The following ZC3H7A variants were observed in gnomAD, a reference collection of about 807,000 sequenced individuals.
ZC3H7A encodes the protein zinc finger CCCH domain-containing protein 7A.
In ZC3H7A, 44 loss-of-function variants were observed where a neutral mutation model predicts 125.5. That is an observed-to-expected ratio of 0.35 (90% CI 0.28 to 0.45). The LOEUF is 0.45. Among genes scored for constraint, ZC3H7A ranks in the 20% least tolerant of loss-of-function variants. The pLI, the probability that ZC3H7A is intolerant of heterozygous loss-of-function variation, is 1.00. For synonymous variants in ZC3H7A, 399 were observed against 391.2 expected (o/e 1.02, Z -0.23); for missense variants, 977 against 1,170.7 (o/e 0.83, Z 2.41).
Position 11,794,558 on chromosome 16 carries a change from A to G in ZC3H7A, c.-35+2566T>C, listed in dbSNP as rs552686708. 1.2e-3 allele frequency among the ~76,000 whole-genome samples: 177 copies of G among 152,302 alleles called. 1 individual carries two copies. Among genetic ancestry groups the G allele is most frequent in the African/African-American group, 3.8e-3 (156 of 41,566 alleles). ...TTTTCACTAGAAAAAAAACAAAACAAAACAGAACACTTCCAGACGTTATCC... is the reference window on the plus strand; with the variant it reads ...TTTTCACTAGAAAAAAAACAAAACAGAACAGAACACTTCCAGACGTTATCC... On this transcript the variant is annotated intron_variant, in intron 1 of 22. Coordinates refer to ENST00000355758, the MANE Select transcript of ZC3H7A (RefSeq NM_014153.4).
At position 11,751,504 on chromosome 16, in the gene ZC3H7A, T is replaced by A; in HGVS notation, c.2729A>T (p.Tyr910Phe). 6.2e-7 allele frequency: 1 copy of A among 1,613,602 alleles called. No homozygotes were observed. Among genetic ancestry groups the A allele is most frequent in the Non-Finnish European group, 8.5e-7 (1 of 1,179,858 alleles). The change falls in exon 23 of 23, where the codon TAT becomes TTT. Residue 910 changes from tyrosine (Y) to phenylalanine (F), a missense_variant and splice_region_variant. Transcript: ENST00000355758. ...TCCTTCTGGGCAGGTGCCATTCATATACCTGTAAGGAGAAGTCAGCTGCTC... is the reference window on the plus strand; with the variant it reads ...TCCTTCTGGGCAGGTGCCATTCATAAACCTGTAAGGAGAAGTCAGCTGCTC... ...PTGYFSICDR[Y>F]MNGTCPEGNS...
chr16:11,762,845 C>G, intron 16 of ZC3H7A, 98 bp from the exon 17 acceptor site: 2 of 1,094,210 alleles, frequency 1.8e-6, no homozygotes, highest in Non-Finnish European at 2.7e-6. Flanking sequence ...AGCTTCCAAT[C>G]TATTCTCATA....
chr16:11,773,248 G>A (rs2053018565), intron 9 of ZC3H7A, among the ~76,000 whole-genome samples: 1 of 151,960 alleles, frequency 6.6e-6, no homozygotes, highest in East Asian at 1.9e-4. Context: ...GGCACAATCA[G>A]TGCTCACTGC....
intron 1 of ZC3H7A, among the ~76,000 whole-genome samples, chr16:11,790,386 T>A (rs1344095770): frequency 6.6e-6 from 1 of 152,238 alleles, no homozygotes; most frequent in African/African-American, 2.4e-5. Flanking sequence ...TACCCTCTGC[T>A]CATTTTTCTT....
intron 1 of ZC3H7A, among the ~76,000 whole-genome samples, chr16:11,785,285 G>C (rs1214339568): frequency 2.0e-5 from 3 of 152,098 alleles, no homozygotes; most frequent in Admixed American, 6.6e-5. Context: ...GTTGCAGTGA[G>C]CTACAATCAT....
chr16:11,768,389 G>A lies in ZC3H7A; in HGVS notation c.1286C>T (p.Ser429Leu). 6.3e-7 allele frequency: 1 copy of A among 1,599,136 alleles called. No individual in the cohort carries two copies. The highest frequency in any genetic ancestry group is 1.3e-5 in the African/African-American group (1 of 74,804). Reference sequence around the variant, plus strand: ...TTCGAGGGGATGTCTTGGAGTCACTGATGAAGATGGTTTGGTAACTGCACT... The same window carrying A: ...TTCGAGGGGATGTCTTGGAGTCACTAATGAAGATGGTTTGGTAACTGCACT... ...FGSAVTKPSS[S>L]VTPRHPLEGT... Residue 429 changes from serine to leucine, a missense_variant, in exon 12 of 23, where the codon TCA (serine) becomes TTA (leucine). Ser to Leu is a moderately radical substitution (Grantham distance 145). Transcript: ENST00000355758.
At chr16:11,783,989 G>A (rs552978716) in intron 1 of ZC3H7A, among the ~76,000 whole-genome samples, 22 of 136,746 alleles carry the variant, frequency 1.6e-4, no homozygotes, top group South Asian at 4.5e-4. Context: ...AAAAGGGGGG[G>A]GCTGTGAGGT....
At chr16:11,782,253 C>T (rs760774535) in intron 2 of ZC3H7A, 34 bp downstream of exon 2, 8 of 1,611,834 alleles carry the variant, frequency 5.0e-6, no homozygotes, top group South Asian at 3.3e-5. Context: ...AGAATTAGGA[C>T]GCGGCAAGAA....
At chr16:11,752,971 G>C in intron 21 of ZC3H7A, 139 bp from the exon 22 acceptor site, 1 of 1,011,720 alleles carries the variant, frequency 9.9e-7, no homozygotes, top group East Asian at 2.5e-5. Flanking sequence ...AAGGACCACA[G>C]CATGGGGAAG....
intron 22 of ZC3H7A, 135 bp from the exon 23 acceptor site, chr16:11,751,641 G>T: frequency 2.4e-6 from 2 of 836,112 alleles, no homozygotes; most frequent in Non-Finnish European, 3.5e-6. Flanking sequence ...AGCCTAGAAT[G>T]GTAAATATTT....
chr16:11,760,006 C>A (rs2052717148), intron 19 of ZC3H7A, among the ~76,000 whole-genome samples: 1 of 150,884 alleles, frequency 6.6e-6, no homozygotes, highest in Admixed American at 6.6e-5. Flanking sequence ...GTAATCCCAG[C>A]TACTCGGGAG....
intron 1 of ZC3H7A, among the ~76,000 whole-genome samples, chr16:11,787,017 T>C (rs1237114333): frequency 6.6e-6 from 1 of 152,170 alleles, no homozygotes; most frequent in Non-Finnish European, 1.5e-5. Context: ...ATGTGAGTTT[T>C]GACAAACTCA....
rs191674544 is a variant in ZC3H7A at position 11,768,316 on chromosome 16, T to C, written c.1359A>G (p.Ser453=). 3 of 1,533,118 alleles carry C rather than the reference T, an allele frequency of 2.0e-6. No individual in the cohort carries two copies. The African/African-American group carries it at 4.1e-5, about 21-fold the overall frequency. 95.0% of individuals were successfully genotyped at this position (1,533,118 alleles called of 1,614,324 possible). The change falls in exon 12 of 23, where the codon TCA becomes TCG. Residue 453 remains serine, a splice_region_variant and synonymous_variant. Coordinates refer to ENST00000355758, the MANE Select transcript of ZC3H7A (RefSeq NM_014153.4). ...RQACQICFVK[S]GPKLMDFTYH... is the part of the protein sequence containing the mutation. ...TCTGCGTGTTTGTTTGGTCCTGACC[T>C]GATTTTACAAAACAGATCTGGCAAG...
At chr16:11,781,511 G>A (rs1345466220) in intron 2 of ZC3H7A, 47 bp from the exon 3 acceptor site, 2 of 1,592,538 alleles carry the variant, frequency 1.3e-6, no homozygotes, top group Middle Eastern at 1.7e-4. Context: ...CTCCTTATCG[G>A]GACCTGTTCA....
intron 1 of ZC3H7A, among the ~76,000 whole-genome samples, chr16:11,784,860 A>C (rs2053232096): frequency 6.7e-6 from 1 of 148,698 alleles, no homozygotes; most frequent in Admixed American, 6.7e-5. Context: ...ATCTCAAAAA[A>C]AAAAAAAAAA....
At chr16:11,797,010 G>T (rs906411706) in intron 1 of ZC3H7A, 114 bp downstream of exon 1, 1 of 146,936 alleles carries the variant, frequency 6.8e-6, no homozygotes, top group East Asian at 2.1e-4. Context: ...CCCCCGCCCC[G>T]CCCGCCGTCC....
At chr16:11,755,272 C>A (rs2052623452) in intron 21 of ZC3H7A, among the ~76,000 whole-genome samples, 1 of 150,300 alleles carries the variant, frequency 6.7e-6, no homozygotes, top group African/African-American at 2.5e-5. Context: ...TGGAAAAATA[C>A]ACACTGGATC....
At chr16:11,787,441 C>T (rs891091745) in intron 1 of ZC3H7A, among the ~76,000 whole-genome samples, 11 of 152,118 alleles carry the variant, frequency 7.2e-5, no homozygotes, top group Non-Finnish European at 1.2e-4. Context: ...CCCCAACACA[C>T]ACCCCTTTGT....
intron 10 of ZC3H7A, among the ~76,000 whole-genome samples, chr16:11,769,561 A>C (rs1567381365): frequency 6.6e-6 from 1 of 151,096 alleles, no homozygotes; most frequent in Non-Finnish European, 1.5e-5. Context: ...TACAAAAAAA[A>C]TTTGCCAGGT....
Sources: gnomAD v4.1 joint callset for allele counts (sites outside exome capture counted in the v4.1 genomes callset) on GRCh38, gnomAD v4.1.1 for gene constraint, MANE v1.5 for transcripts, NCBI Gene and HGNC (gene_info 2026-07-23, HGNC 2026-07-21) for gene names.